Variants in RGS7 observed in about 807,000 individuals in gnomAD.
RGS7 encodes regulator of G-protein signaling 7.
In RGS7, 27 loss-of-function variants were observed where a neutral mutation model predicts 81.1. The ratio of observed to expected loss-of-function variants is 0.33; its 90% CI spans 0.25 to 0.46. The LOEUF (loss-of-function observed/expected upper bound fraction) is 0.46. Ranked by LOEUF, RGS7 falls within the 20% of genes least tolerant of loss-of-function variation. The probability of loss-of-function intolerance (pLI) is 1.00; values close to 1 mark genes in which losing one functional copy is unlikely to be tolerated. For synonymous variants in RGS7, 208 were observed against 207.7 expected (o/e 1.00, Z -0.01); for missense variants, 396 against 607.4 (o/e 0.65, Z 3.66).
At chr1:240,778,686 C>A (rs949311062) in intron 18 of RGS7, among the ~76,000 whole-genome samples, 1 of 152,156 alleles carries the variant, frequency 6.6e-6, no homozygotes, top group Non-Finnish European at 1.5e-5. Flanking sequence ...GCACCTGCCA[C>A]CACGCCTGGC....
intron 2 of RGS7, among the ~76,000 whole-genome samples, chr1:241,323,671 GAGAGAAGC>G (rs1296929921): frequency 6.6e-6 from 1 of 152,196 alleles, no homozygotes; most frequent in Admixed American, 6.5e-5. Flanking sequence ...AAGATGCCTG[GAGAGAAGC>G]AGAGCTGCCA....
chr1:240,828,341 A>T (rs78325766), intron 9 of RGS7, among the ~76,000 whole-genome samples: 9,690 of 152,286 alleles, frequency 0.064, 368 homozygotes, highest in Middle Eastern at 0.078. Flanking sequence ...ATGAATCACG[A>T]AACAGAGAAG....
chr1:241,260,932 G>C (rs1313587264), intron 2 of RGS7, among the ~76,000 whole-genome samples: 1 of 115,550 alleles, frequency 8.7e-6, no homozygotes, highest in Non-Finnish European at 1.7e-5. Context: ...TGGGGTGGGG[G>C]GAGGGGGAAG....
Position 240,870,131 on chromosome 1 carries a change from A to T in RGS7, c.386-12T>A. 6.2e-7 allele frequency: 1 copy of T among 1,613,492 alleles called. No homozygotes were observed. Among genetic ancestry groups the T allele is most frequent in the Non-Finnish European group, 8.5e-7 (1 of 1,179,456 alleles). On this transcript the variant is annotated splice_polypyrimidine_tract_variant and intron_variant, in intron 6 of 18. Transcript: ENST00000440928. ...GCAGAGGTAAACGGCTGAAAAAAAA[A>T]TCAATCATTTCTTGCCTGCTTATCA...
intron 3 of RGS7, among the ~76,000 whole-genome samples, chr1:241,073,106 C>T (rs2062576608): frequency 6.6e-6 from 1 of 152,182 alleles, no homozygotes; most frequent in Non-Finnish European, 1.5e-5. Flanking sequence ...ATGTTGAGAG[C>T]TGGGTTGTAG....
chr1:240,839,122 T>G (rs919991261), intron 9 of RGS7, among the ~76,000 whole-genome samples: 4 of 152,222 alleles, frequency 2.6e-5, no homozygotes, highest in Non-Finnish European at 5.9e-5. Context: ...CAACTCCTAA[T>G]GCCTTTTGAG....
intron 3 of RGS7, among the ~76,000 whole-genome samples, chr1:241,074,962 T>C (rs1392510253): frequency 1.3e-5 from 2 of 152,194 alleles, no homozygotes. Flanking sequence ...TAGCTATTTT[T>C]GAATTATTTA....
intron 6 of RGS7, among the ~76,000 whole-genome samples, chr1:240,927,878 G>A (rs1674719317): frequency 6.6e-6 from 1 of 152,182 alleles, no homozygotes; most frequent in Admixed American, 6.5e-5. Context: ...TGTAGGAGAT[G>A]ATCCCCTCAG....
At chr1:240,917,165 T>C (rs1026269761) in intron 6 of RGS7, among the ~76,000 whole-genome samples, 1 of 152,098 alleles carries the variant, frequency 6.6e-6, no homozygotes, top group Non-Finnish European at 1.5e-5. Context: ...TGTGGAATTA[T>C]CAAAAGTGAA....
intron 18 of RGS7, among the ~76,000 whole-genome samples, chr1:240,785,373 TC>T (rs1223153086): frequency 6.6e-6 from 1 of 152,198 alleles, no homozygotes; most frequent in Non-Finnish European, 1.5e-5. Flanking sequence ...TTTCTAACTA[TC>T]CCTAAACTCC....
chr1:240,880,247 G>T (rs1666139777), intron 6 of RGS7, among the ~76,000 whole-genome samples: 1 of 152,198 alleles, frequency 6.6e-6, no homozygotes, highest in South Asian at 2.1e-4. Flanking sequence ...TCCCCATATT[G>T]CCCAGGTTGA....
chr1:240,877,918 C>G (rs1176488400), intron 6 of RGS7, among the ~76,000 whole-genome samples: 4 of 152,164 alleles, frequency 2.6e-5, no homozygotes, highest in African/African-American at 7.2e-5. Context: ...GCAAAGCCAT[C>G]AGAGTTATTC....
chr1:241,200,327 C>T (rs2815875), intron 2 of RGS7, among the ~76,000 whole-genome samples: 35,197 of 151,802 alleles, frequency 0.23, 6,183 homozygotes, highest in African/African-American at 0.49. Context: ...TGCTGCAAAC[C>T]GGCAGAAAAA....
chr1:241,166,485 T>G (rs1319963514), intron 2 of RGS7, among the ~76,000 whole-genome samples: 1 of 152,134 alleles, frequency 6.6e-6, no homozygotes, highest in Non-Finnish European at 1.5e-5. Flanking sequence ...AGTTTATGAT[T>G]TCAGAAGGGA....
chr1:241,048,809 C>T (rs760092859), intron 3 of RGS7, among the ~76,000 whole-genome samples: 2 of 152,160 alleles, frequency 1.3e-5, no homozygotes, highest in Non-Finnish European at 2.9e-5. Flanking sequence ...CTTAAAACAA[C>T]AGACATTTAT....
chr1:241,026,046 T>C (rs749940799), intron 3 of RGS7, among the ~76,000 whole-genome samples: 1 of 152,244 alleles, frequency 6.6e-6, no homozygotes, highest in Non-Finnish European at 1.5e-5. Context: ...TTTAATATAT[T>C]GTTTAACTTC....
intron 2 of RGS7, among the ~76,000 whole-genome samples, chr1:241,220,729 C>G (rs757960517): frequency 6.6e-6 from 1 of 151,804 alleles, no homozygotes; most frequent in Admixed American, 6.6e-5. Flanking sequence ...AATTAAGGTT[C>G]TTTTGCAATA....
chr1:241,279,939 C>A (rs2148394829), intron 2 of RGS7, among the ~76,000 whole-genome samples: 1 of 152,318 alleles, frequency 6.6e-6, no homozygotes, highest in South Asian at 2.1e-4. Context: ...GGAGGTACCA[C>A]AGTGTATTTA....
At chr1:241,008,438 T>C (rs2148654833) in intron 3 of RGS7, among the ~76,000 whole-genome samples, 1 of 152,336 alleles carries the variant, frequency 6.6e-6, no homozygotes, top group East Asian at 1.9e-4. Context: ...CCTGAGATTC[T>C]GCTTTTTAAC....
Sources: allele counts gnomAD v4.1 joint callset (sites outside exome capture counted in the v4.1 genomes callset), GRCh38; gene constraint gnomAD v4.1.1; transcripts MANE v1.5; gene names NCBI Gene and HGNC (gene_info 2026-07-23, HGNC 2026-07-21).